Variants in F13A1 observed in about 807,000 individuals in gnomAD.
The protein encoded by F13A1 is FSF, A subunit.
A neutral mutation model predicts 80.1 loss-of-function variants in F13A1; 47 were observed. The observed-to-expected ratio is 0.59, with a 90% confidence interval of 0.46 to 0.75. The LOEUF is 0.75. Among genes scored for constraint, F13A1 ranks in the 30% least tolerant of loss-of-function variants. The pLI is 0.00. For synonymous variants in F13A1, 349 were observed against 344.9 expected (o/e 1.01, Z -0.13); for missense variants, 817 against 930.4 (o/e 0.88, Z 1.59).
In F13A1 at chr6:6,197,205, G is replaced by A; in HGVS notation, c.1216+18C>T. 1.2e-6 allele frequency: 2 copies of A among 1,610,506 alleles called. No homozygotes were observed. The highest frequency in any genetic ancestry group is 1.7e-6 in the Non-Finnish European group (2 of 1,176,876). ...ATCAGCAATGAAGCAAGTTCCCAGA[G>A]GGAGGACACAGTTTTACCATCGCTA... On this transcript the variant is annotated intron_variant, in intron 9 of 14. Coordinates refer to ENST00000264870, the MANE Select transcript of F13A1 (RefSeq NM_000129.4).
In F13A1 at chr6:6,248,508, T is replaced by C; in HGVS notation, c.691-89A>G. On this transcript the variant is annotated intron_variant, in intron 5 of 14. Coordinates refer to ENST00000264870, the MANE Select transcript of F13A1 (RefSeq NM_000129.4). ...TGAAAAATAACATGAAACCACAACC[T>C]AATGTTTAGAAATGTGTGTTTCCTG... 4 of 987,324 alleles carry C rather than the reference T, an allele frequency of 4.1e-6. No homozygotes were observed. The South Asian group carries it at 5.5e-5, about 14-fold the overall frequency. 61.2% of individuals were successfully genotyped at this position (987,324 alleles called of 1,614,324 possible).
chr6:6,181,201 ACTTCT>A (rs935086210), intron 11 of F13A1, among the ~76,000 whole-genome samples: 30 of 152,170 alleles, frequency 2.0e-4, no homozygotes, highest in South Asian at 1.9e-3. Context: ...GAGGTCCACG[ACTTCT>A]CTTCTCAAGT....
chr6:6,180,595 A>G (rs1056401413), intron 11 of F13A1, among the ~76,000 whole-genome samples: 7 of 152,102 alleles, frequency 4.6e-5, no homozygotes, highest in African/African-American at 1.7e-4. Context: ...GTTTTGTTTT[A>G]TTTGCACTTA....
At chr6:6,252,502 T>C (rs1757647251) in intron 4 of F13A1, among the ~76,000 whole-genome samples, 1 of 152,130 alleles carries the variant, frequency 6.6e-6, no homozygotes, top group African/African-American at 2.4e-5. Context: ...TAGAATTTAC[T>C]TGAAAATGCT....
chr6:6,182,207 T>C (rs1761001230), intron 10 of F13A1, 66 bp from the exon 11 acceptor site: 1 of 1,569,804 alleles, frequency 6.4e-7, no homozygotes, highest in African/African-American at 1.3e-5. Flanking sequence ...TCTTTAACTG[T>C]CCATAGAGCA....
In F13A1 at chr6:6,243,985, C is replaced by T. The variant is rs1757521934; in HGVS notation, c.798+4327G>A. Among the ~76,000 whole-genome samples the T allele has an allele frequency of 6.6e-6, 1 of 152,228 alleles. No homozygotes were observed. Among genetic ancestry groups the T allele is most frequent in the Admixed American group, 6.5e-5 (1 of 15,288 alleles). On this transcript the variant is annotated intron_variant, in intron 6 of 14. Coordinates refer to ENST00000264870, the MANE Select transcript of F13A1 (RefSeq NM_000129.4). The surrounding 1 kb of genome is among the most constrained non-coding windows in gnomAD (Gnocchi z 4.2). ...CTATCAGTCGGGAGGCAGGAACAGG[C>T]ATAGACAGGTAACCACGCCGCAGTA...
intron 6 of F13A1, 85 bp from the exon 7 acceptor site, chr6:6,224,945 G>T: frequency 7.2e-7 from 1 of 1,389,042 alleles, no homozygotes; most frequent in Non-Finnish European, 1.0e-6. Context: ...AGCTATGGCT[G>T]CCATTGCCTT....
At chr6:6,156,575 T>C (rs1760481990) in intron 13 of F13A1, among the ~76,000 whole-genome samples, 1 of 152,204 alleles carries the variant, frequency 6.6e-6, no homozygotes, top group Non-Finnish European at 1.5e-5. Flanking sequence ...CCCTCCCCCT[T>C]GGCCTGTGAT....
chr6:6,227,625 G>A (rs1757295161), intron 6 of F13A1, among the ~76,000 whole-genome samples: 1 of 152,156 alleles, frequency 6.6e-6, no homozygotes, highest in African/African-American at 2.4e-5. Flanking sequence ...GGTAGGTTTA[G>A]CTTTGAACTC....
chr6:6,256,743 AT>A (rs1757709230), intron 4 of F13A1, among the ~76,000 whole-genome samples: 1 of 152,144 alleles, frequency 6.6e-6, no homozygotes, highest in South Asian at 2.1e-4. Context: ...GAGCCTACTG[AT>A]TTTAGTATCT....
intron 4 of F13A1, among the ~76,000 whole-genome samples, chr6:6,254,425 T>C (rs976631667): frequency 6.6e-6 from 1 of 152,086 alleles, no homozygotes; most frequent in Non-Finnish European, 1.5e-5. Context: ...CAACATGATA[T>C]GACCATACCA....
intron 4 of F13A1, among the ~76,000 whole-genome samples, chr6:6,263,135 T>C (rs1757799726): frequency 6.6e-6 from 1 of 152,204 alleles, no homozygotes; most frequent in Non-Finnish European, 1.5e-5. Context: ...CACTCTCTCT[T>C]GTCTTTAAAA....
intron 13 of F13A1, among the ~76,000 whole-genome samples, chr6:6,154,691 G>C (rs1760443793): frequency 6.6e-6 from 1 of 152,160 alleles, no homozygotes; most frequent in African/African-American, 2.4e-5. Context: ...AGATATTGAA[G>C]GTGTAGCAAT....
chr6:6,187,588 A>G lies in F13A1; in HGVS notation c.1306-5447T>C, dbSNP rs371269775. On this transcript the variant is annotated intron_variant, in intron 10 of 14. Coordinates refer to ENST00000264870, the MANE Select transcript of F13A1 (RefSeq NM_000129.4). ...GGATGAAGCCCACTTGATCATGGTG[A>G]ATAAGCTTTTTGATGTGCTGCTGGA... Among the ~76,000 whole-genome samples, 33 of 117,130 alleles carry G rather than the reference A, an allele frequency of 2.8e-4. No individual in the cohort carries two copies. In the East Asian group the frequency reaches 6.0e-3, roughly 21 times the overall value. The allele number at this position is 117,130 out of a possible 152,430, so 76.8% of individuals were successfully genotyped here. A position where few individuals can be genotyped will look rare whatever the true frequency, so the allele number is the denominator to read the frequency against.
intron 2 of F13A1, among the ~76,000 whole-genome samples, chr6:6,315,749 G>GA (rs1209524651): frequency 1.3e-5 from 2 of 151,806 alleles, no homozygotes; most frequent in Non-Finnish European, 2.9e-5. Flanking sequence ...AGTGGCCACT[G>GA]AAAAAAATGG....
chr6:6,145,843 C>T, intron 14 of F13A1, 71 bp from the exon 15 acceptor site: 7 of 1,604,686 alleles, frequency 4.4e-6, no homozygotes, highest in East Asian at 2.2e-5. Context: ...GCAATGAAAA[C>T]TCTTGCCTAA....
chr6:6,204,346 A>G (rs1761450110), intron 8 of F13A1, among the ~76,000 whole-genome samples: 2 of 152,234 alleles, frequency 1.3e-5, no homozygotes, highest in Admixed American at 1.3e-4. Flanking sequence ...GATCAAGAGA[A>G]AGCCCTGGAG....
intron 8 of F13A1, among the ~76,000 whole-genome samples, chr6:6,210,218 C>T (rs528945416): frequency 6.7e-6 from 1 of 149,764 alleles, no homozygotes. Context: ...TGAGAGACAA[C>T]CTGTCTCAAA....
Position 6,194,787 on chromosome 6 carries a change from T to A in F13A1, c.1305+1010A>T, listed in dbSNP as rs1164241162. On this transcript the variant is annotated intron_variant, in intron 10 of 14. Coordinates refer to ENST00000264870, the MANE Select transcript of F13A1 (RefSeq NM_000129.4). Reference sequence around the variant, plus strand: ...GCCTGGTGTACATTAATAATAACTATTTGTTCCTCCTGGAGTACTAGAGTG... The same window carrying A: ...GCCTGGTGTACATTAATAATAACTAATTGTTCCTCCTGGAGTACTAGAGTG... 3.3e-5 allele frequency among the ~76,000 whole-genome samples: 5 copies of A among 152,208 alleles called. No homozygotes were observed. In the East Asian group the frequency reaches 9.6e-4, roughly 29 times the overall value.
Sources: allele counts gnomAD v4.1 joint callset (sites outside exome capture counted in the v4.1 genomes callset), GRCh38; gene constraint gnomAD v4.1.1; non-coding constraint Gnocchi (gnomAD v3.1); transcripts MANE v1.5; gene names NCBI Gene and HGNC (gene_info 2026-07-23, HGNC 2026-07-21).